DUSP5: variants seen among roughly 807,000 people sequenced by gnomAD.
DUSP5 encodes dual specificity phosphatase 5, also known as dual specificity protein phosphatase 5.
In DUSP5, 22 loss-of-function variants were observed where a neutral mutation model predicts 33.6. The observed-to-expected ratio is 0.66, with a 90% CI of 0.47 to 0.94. The LOEUF (loss-of-function observed/expected upper bound fraction) is 0.94. DUSP5 is among the 40% of genes least tolerant of loss of function. The probability of loss-of-function intolerance (pLI) is 0.00; values close to 1 mark genes in which losing one functional copy is unlikely to be tolerated. For missense variants in DUSP5, 551 were observed against 522.1 expected, an observed-to-expected ratio of 1.06 and a Z score of -0.54; for synonymous variants, 270 against 231.1, an observed-to-expected ratio of 1.17 and a Z score of -1.53.
intron 1 of DUSP5, among the ~76,000 whole-genome samples, chr10:110,499,472 A>G (rs1860011787): frequency 6.6e-6 from 1 of 152,212 alleles, no homozygotes; most frequent in African/African-American, 2.4e-5. Flanking sequence ...CAGGGCCCCA[A>G]GGCCGTGCCA....
intron 2 of DUSP5, among the ~76,000 whole-genome samples, chr10:110,504,770 T>A (rs1224439931): frequency 6.6e-6 from 1 of 152,218 alleles, no homozygotes; most frequent in African/African-American, 2.4e-5. Flanking sequence ...AGAAGCCATG[T>A]TCTGTTCATT....
Position 110,506,959 on chromosome 10 carries a change from T to C in DUSP5, c.553T>C (p.Phe185Leu). 3 of 1,613,922 alleles carry C rather than the reference T, an allele frequency of 1.9e-6. No individual in the cohort carries two copies. The highest frequency in any genetic ancestry group is 2.5e-6 in the Non-Finnish European group (3 of 1,179,852). Reference protein sequence around the residue: ...DQGGPVEILPFLYLGSAYHAS... With the variant: ...DQGGPVEILPLLYLGSAYHAS... ...GGGTGGCCCAGTTGAAATCCTTCCC[T>C]TCCTCTACCTTGGAAGTGCCTACCA... is the stretch of plus-strand genomic sequence containing the variant. The change falls in exon 3 of 4, where the codon TTC (phenylalanine) becomes CTC (leucine). Residue 185 changes from phenylalanine (F) to leucine (L), a missense_variant. Physicochemically the swap from Phe to Leu is conservative, Grantham distance 22. Coordinates refer to ENST00000369583, the MANE Select transcript of DUSP5 (RefSeq NM_004419.4).
At chr10:110,506,425 CTG>C (rs1332636360) in intron 2 of DUSP5, among the ~76,000 whole-genome samples, 1 of 151,958 alleles carries the variant, frequency 6.6e-6, no homozygotes, top group Non-Finnish European at 1.5e-5. Flanking sequence ...GAGCAAGACT[CTG>C]TCTTTCCAAA....
rs2134659069 is a variant in DUSP5 at position 110,502,752 on chromosome 10, T to C, written c.411T>C (p.Pro137=). The C allele has an allele frequency of 1.2e-6, 2 of 1,614,166 alleles. No homozygotes were observed. The highest frequency in any genetic ancestry group is 8.5e-7 in the Non-Finnish European group (1 of 1,180,022). ...ATGAGACTTTCTACTCGGAATATCC[T>C]GAGTGTTGCGTGGATGTAAAACCCA... ...GGYETFYSEY[P]ECCVDVKPIS... is the part of the protein sequence containing the mutation. The change falls in exon 2 of 4, where the codon CCT becomes CCC. Residue 137 remains proline, a synonymous_variant. Coordinates refer to ENST00000369583, the MANE Select transcript of DUSP5 (RefSeq NM_004419.4).
At chr10:110,506,368 A>G (rs1447029201) in intron 2 of DUSP5, among the ~76,000 whole-genome samples, 6 of 152,166 alleles carry the variant, frequency 3.9e-5, no homozygotes, top group Non-Finnish European at 8.8e-5. Context: ...GGAATTCAAG[A>G]TTACAGTGAG....
chr10:110,510,342 T>C lies in DUSP5; in HGVS notation c.1071T>C (p.Pro357=). The C allele has an allele frequency of 6.2e-7, 1 of 1,613,990 alleles. No individual in the cohort carries two copies. Among genetic ancestry groups the C allele is most frequent in the Non-Finnish European group, 8.5e-7 (1 of 1,179,968 alleles). Residue 357 remains proline, a synonymous_variant, in exon 4 of 4, where the codon CCT becomes CCC. Coordinates refer to ENST00000369583, the MANE Select transcript of DUSP5 (RefSeq NM_004419.4). ...TGCAGGGTGCCTACTGCACATTCCC[T>C]GCCTCGGTGCTGGCACCGGTGCCTA... is the stretch of plus-strand genomic sequence containing the variant. ...PDMQGAYCTF[P]ASVLAPVPTH... is the part of the protein sequence containing the mutation.
chr10:110,510,642 A>AT lies in DUSP5; in HGVS notation c.*216_*217insT. ...GAAGGCCAAGCCATTACGGGAGCACAGCATGTGCTGACTACTGTACTTCCA... is the reference window on the plus strand; with the variant it reads ...GAAGGCCAAGCCATTACGGGAGCACATGCATGTGCTGACTACTGTACTTCCA... On this transcript the variant is annotated 3_prime_UTR_variant, in exon 4 of 4. Transcript: ENST00000369583. 3 of 616,780 alleles carry AT rather than the reference A, an allele frequency of 4.9e-6. No homozygotes were observed. Among genetic ancestry groups the AT allele is most frequent in the Non-Finnish European group, 8.1e-6 (3 of 370,122 alleles). 38.2% of individuals were successfully genotyped at this position (616,780 alleles called of 1,614,324 possible).
chr10:110,498,208 GC>G lies in DUSP5; in HGVS notation c.90del (p.Tyr31IlefsTer113). 1.3e-6 allele frequency: 2 copies of G among 1,510,246 alleles called. No individual in the cohort carries two copies. Among genetic ancestry groups the G allele is most frequent in the East Asian group, 5.6e-5 (2 of 35,426 alleles). 93.6% of individuals were successfully genotyped at this position (1,510,246 alleles called of 1,614,324 possible). On this transcript the variant is annotated frameshift_variant, in exon 1 of 4. Transcript: ENST00000369583. LOFTEE classifies it high-confidence loss of function. ...CGCGCTGCGTGGTGCTCGACTGCCG[GC>G]CCTATCTGGCCTTCGCTGCCTCGAA... ...AARCVVLDCR[P>X]YLAFAASNVR...
At chr10:110,506,202 G>C (rs1860116637) in intron 2 of DUSP5, among the ~76,000 whole-genome samples, 1 of 152,142 alleles carries the variant, frequency 6.6e-6, no homozygotes, top group South Asian at 2.1e-4. Context: ...GGCTGAGGTA[G>C]GAAGATCGCT....
chr10:110,501,016 C>T (rs1307442613), intron 1 of DUSP5, among the ~76,000 whole-genome samples: 1 of 152,202 alleles, frequency 6.6e-6, no homozygotes, highest in Non-Finnish European at 1.5e-5. Flanking sequence ...TCCTATTTCC[C>T]CAACCTTCGT....
intron 1 of DUSP5, among the ~76,000 whole-genome samples, chr10:110,499,131 C>A (rs144084171): frequency 2.0e-5 from 3 of 152,268 alleles, no homozygotes; most frequent in African/African-American, 7.2e-5. Context: ...CTTCCTCCGC[C>A]CCAGGATTAT....
In DUSP5 at chr10:110,510,619, A is replaced by C; in HGVS notation, c.*193A>C. 1.3e-6 allele frequency: 1 copy of C among 742,870 alleles called. No homozygotes were observed. The highest frequency in any genetic ancestry group is 2.1e-6 in the Non-Finnish European group (1 of 477,882). The allele number at this position is 742,870 out of a possible 1,614,324, so 46.0% of individuals were successfully genotyped here. A position where few individuals can be genotyped will look rare whatever the true frequency, so the allele number is the denominator to read the frequency against. ...AGGGTAGGTTCTCGGGACTGAAGGAAGGCCAAGCCATTACGGGAGCACAGC... is the reference window on the plus strand; with the variant it reads ...AGGGTAGGTTCTCGGGACTGAAGGACGGCCAAGCCATTACGGGAGCACAGC... On this transcript the variant is annotated 3_prime_UTR_variant, in exon 4 of 4. Transcript: ENST00000369583.
At position 110,510,429 on chromosome 10, in the gene DUSP5, C is replaced by T; in HGVS notation, c.*3C>T. On this transcript the variant is annotated 3_prime_UTR_variant, in exon 4 of 4. Transcript: ENST00000369583. ...TGGCAACGGCCACATCCTGCTAAAA[C>T]TGGGATGGAGGAATCGGCCCAGCCC... is the stretch of plus-strand genomic sequence containing the variant. 1.9e-6 allele frequency: 3 copies of T among 1,574,628 alleles called. No homozygotes were observed. The highest frequency in any genetic ancestry group is 2.6e-6 in the Non-Finnish European group (3 of 1,157,770).
At chr10:110,503,267 A>G (rs1461521308) in intron 2 of DUSP5, among the ~76,000 whole-genome samples, 4 of 152,106 alleles carry the variant, frequency 2.6e-5, no homozygotes, top group Admixed American at 6.6e-5. Flanking sequence ...TTTCTTTGTA[A>G]TTGTCCATGC....
intron 3 of DUSP5, among the ~76,000 whole-genome samples, chr10:110,509,390 A>G (rs1860158362): frequency 6.6e-6 from 1 of 152,090 alleles, no homozygotes; most frequent in Non-Finnish European, 1.5e-5. Flanking sequence ...ATTAGTGGCC[A>G]TGCGCTATTT....
chr10:110,504,511 T>A (rs940682321), intron 2 of DUSP5, among the ~76,000 whole-genome samples: 1 of 152,200 alleles, frequency 6.6e-6, no homozygotes, highest in African/African-American at 2.4e-5. Context: ...GAAGAGATCT[T>A]GAGTCAACCA....
chr10:110,509,813 A>G (rs905766192), intron 3 of DUSP5, among the ~76,000 whole-genome samples: 1 of 152,152 alleles, frequency 6.6e-6, no homozygotes, highest in African/African-American at 2.4e-5. Context: ...TAAAGGTCCT[A>G]CTTGGGGATA....
intron 3 of DUSP5, among the ~76,000 whole-genome samples, chr10:110,508,541 G>A (rs920951534): frequency 6.6e-6 from 1 of 152,168 alleles, no homozygotes; most frequent in Non-Finnish European, 1.5e-5. Context: ...TCTCCCCAGT[G>A]AGCCATGTGC....
intron 1 of DUSP5, among the ~76,000 whole-genome samples, chr10:110,501,494 G>A (rs903561399): frequency 1.3e-5 from 2 of 152,206 alleles, no homozygotes; most frequent in African/African-American, 4.8e-5. Context: ...GAGGGAGTTG[G>A]AGACTGCCTT....
Sources: gnomAD v4.1 joint callset for allele counts (sites outside exome capture counted in the v4.1 genomes callset) on GRCh38, gnomAD v4.1.1 for gene constraint, MANE v1.5 for transcripts, NCBI Gene and HGNC (gene_info 2026-07-23, HGNC 2026-07-21) for gene names.